The following LINGO2 variants were observed in gnomAD, a reference collection of about 807,000 sequenced individuals.
LINGO2 encodes leucine-rich repeat and immunoglobulin-like domain-containing nogo receptor-interacting protein 2.
In LINGO2, 14 loss-of-function variants were observed where a neutral mutation model predicts 30.6. That is an observed-to-expected ratio of 0.46 (90% confidence interval 0.30 to 0.72). The LOEUF (loss-of-function observed/expected upper bound fraction) is 0.72. Among genes scored for constraint, LINGO2 ranks in the 30% least tolerant of loss-of-function variants. LINGO2 has a pLI of 0.07. For synonymous variants in LINGO2, 317 were observed against 288.5 expected, an observed-to-expected ratio of 1.10 and a Z score of -1.00; for missense variants, 729 against 751.7, an observed-to-expected ratio of 0.97 and a Z score of 0.35.
In LINGO2 at chr9:28,317,887, A is replaced by C. The variant is rs183989346; in HGVS notation, c.-245-22521T>G. ...AGAGTCCCCATAATGCAGTCCAGTC[A>C]AACCCAGTCCCTGCCTTTGTTGGGA... On this transcript the variant is annotated intron_variant, in intron 3 of 5. Coordinates refer to ENST00000379992, the Ensembl canonical transcript of LINGO2. 1.3e-4 allele frequency among the ~76,000 whole-genome samples: 20 copies of C among 152,306 alleles called. 1 individual carries two copies. The highest frequency in any genetic ancestry group is 1.3e-3 in the Admixed American group (20 of 15,284).
the LINGO2 span, among the ~76,000 whole-genome samples, chr9:29,211,466 T>C: frequency 6.6e-6 from 1 of 152,062 alleles, no homozygotes. Flanking sequence ...TCCAAGGCCA[T>C]TTCCCAGCAC....
At chr9:28,314,278 G>A (rs1824751847) in intron 3 of LINGO2, among the ~76,000 whole-genome samples, 3 of 152,144 alleles carry the variant, frequency 2.0e-5, no homozygotes, top group Admixed American at 1.3e-4. Context: ...CATGATTGTG[G>A]CATGAAATAC....
chr9:29,189,767 C>T, the LINGO2 span, among the ~76,000 whole-genome samples: 20 of 152,204 alleles, frequency 1.3e-4, no homozygotes, highest in African/African-American at 4.3e-4. Context: ...CCCGGCACCT[C>T]GGGAGGCCGA....
chr9:28,714,668 C>A, the LINGO2 span, among the ~76,000 whole-genome samples: 1 of 152,060 alleles, frequency 6.6e-6, no homozygotes, highest in African/African-American at 2.4e-5. Flanking sequence ...TTCTCTATTA[C>A]AACAGCTAGC....
the LINGO2 span, among the ~76,000 whole-genome samples, chr9:29,175,623 T>G: frequency 6.9e-6 from 1 of 145,720 alleles, no homozygotes; most frequent in Non-Finnish European, 1.5e-5. Flanking sequence ...ACGTCCCGGG[T>G]TCAAGCGATT....
intron 4 of LINGO2, among the ~76,000 whole-genome samples, chr9:28,233,056 A>ATG (rs1217104626): frequency 8.1e-6 from 1 of 123,814 alleles, no homozygotes; most frequent in Non-Finnish European, 1.6e-5. Flanking sequence ...ATATATATAT[A>ATG]TATATTAGAT....
At chr9:28,625,628 T>C (rs1826625548) in intron 1 of LINGO2, among the ~76,000 whole-genome samples, 1 of 152,160 alleles carries the variant, frequency 6.6e-6, no homozygotes, top group African/African-American at 2.4e-5. Context: ...GTAATATTTG[T>C]AAAGCACAGT....
intron 1 of LINGO2, among the ~76,000 whole-genome samples, chr9:28,555,650 G>A (rs910896003): frequency 2.0e-5 from 3 of 151,926 alleles, no homozygotes; most frequent in Non-Finnish European, 4.4e-5. Context: ...CATTTTATGA[G>A]GCCAGCATCA....
intron 2 of LINGO2, among the ~76,000 whole-genome samples, chr9:28,466,783 G>A (rs1359848643): frequency 2.0e-5 from 3 of 152,046 alleles, no homozygotes; most frequent in African/African-American, 4.8e-5. Context: ...TTCACTAAAA[G>A]TGTGACTTTA....
intron 4 of LINGO2, among the ~76,000 whole-genome samples, chr9:28,052,954 A>G (rs1469334603): frequency 6.7e-6 from 1 of 148,894 alleles, no homozygotes; most frequent in Non-Finnish European, 1.5e-5. Context: ...TAAGACATTG[A>G]GCATCCAGTA....
intron 2 of LINGO2, among the ~76,000 whole-genome samples, chr9:28,436,921 G>T (rs952265909): frequency 2.0e-5 from 3 of 152,182 alleles, no homozygotes; most frequent in East Asian, 1.9e-4. Context: ...TGTGGAGAGG[G>T]TCATATGATA....
chr9:28,256,622 A>C (rs1401936186), intron 4 of LINGO2, among the ~76,000 whole-genome samples: 1 of 151,998 alleles, frequency 6.6e-6, no homozygotes, highest in Non-Finnish European at 1.5e-5. Flanking sequence ...AAATAATTTA[A>C]TGCAGCCAGC....
chr9:28,970,609 T>C, the LINGO2 span, among the ~76,000 whole-genome samples: 1 of 152,112 alleles, frequency 6.6e-6, no homozygotes, highest in East Asian at 1.9e-4. Flanking sequence ...CATTGAACTC[T>C]GGGCCGTGTT....
intron 3 of LINGO2, among the ~76,000 whole-genome samples, chr9:28,315,866 ATAATAATAGC>A (rs1475182466): frequency 6.6e-6 from 1 of 152,202 alleles, no homozygotes; most frequent in Non-Finnish European, 1.5e-5. Flanking sequence ...AGTATAGGGT[ATAATAATAGC>A]GTAAGATTTG....
chr9:28,649,646 G>C (rs528567600), intron 1 of LINGO2, among the ~76,000 whole-genome samples: 1 of 152,064 alleles, frequency 6.6e-6, no homozygotes, highest in Non-Finnish European at 1.5e-5. Flanking sequence ...CTGGAGAATA[G>C]AAAGTAGTTA....
chr9:28,857,887 T>C, the LINGO2 span, among the ~76,000 whole-genome samples: 5 of 152,142 alleles, frequency 3.3e-5, no homozygotes, highest in African/African-American at 1.2e-4. Context: ...ATTTCACCTA[T>C]TTCTTTTAAT....
the LINGO2 span, among the ~76,000 whole-genome samples, chr9:29,098,448 T>TACAC: frequency 1.1e-4 from 16 of 149,502 alleles, no homozygotes; most frequent in Non-Finnish European, 5.9e-5. Flanking sequence ...GGATGAGGGA[T>TACAC]ACACACACAC....
At chr9:29,045,182 T>C in the LINGO2 span, among the ~76,000 whole-genome samples, 4 of 152,040 alleles carry the variant, frequency 2.6e-5, no homozygotes, top group South Asian at 8.3e-4. Flanking sequence ...TGAAGTAACA[T>C]GGTAAGTGAT....
intron 1 of LINGO2, among the ~76,000 whole-genome samples, chr9:28,604,847 CTT>C (rs1825634922): frequency 6.6e-6 from 1 of 152,006 alleles, no homozygotes; most frequent in Non-Finnish European, 1.5e-5. Flanking sequence ...AAGGTATTAA[CTT>C]TTTAGTAGTA....
Sources: allele counts gnomAD v4.1 joint callset (sites outside exome capture counted in the v4.1 genomes callset), GRCh38; gene constraint gnomAD v4.1.1; transcripts MANE v1.5; gene names NCBI Gene and HGNC (gene_info 2026-07-23, HGNC 2026-07-21).